AVL9: variants seen among roughly 807,000 people sequenced by gnomAD.
The protein encoded by AVL9 is late secretory pathway protein AVL9 homolog.
AVL9 carries 49 observed loss-of-function variants against 79.2 expected under a neutral mutation model. The observed-to-expected ratio is 0.62, with a 90% CI of 0.49 to 0.79. The LOEUF (loss-of-function observed/expected upper bound fraction) is 0.79. Ranked by LOEUF, AVL9 falls within the 30% of genes least tolerant of loss-of-function variation. AVL9 has a pLI of 0.00. For synonymous variants in AVL9, 299 were observed against 280.6 expected, an observed-to-expected ratio of 1.07 and a Z score of -0.65; for missense variants, 682 against 776.8, an observed-to-expected ratio of 0.88 and a Z score of 1.45.
rs1488707352 is a variant in AVL9, at chr7:32,558,909, T to C, written c.680-20T>C. 2.1e-5 allele frequency: 32 copies of C among 1,547,068 alleles called. No homozygotes were observed. The highest frequency in any genetic ancestry group is 2.8e-5 in the Non-Finnish European group (32 of 1,151,354). Reference sequence around the variant, plus strand: ...CATATTATTATAAGCCAAGCTGTTCTTTGATATTGCATATTTTAGGCATGA... The same window carrying C: ...CATATTATTATAAGCCAAGCTGTTCCTTGATATTGCATATTTTAGGCATGA... On this transcript the variant is annotated intron_variant, in intron 9 of 15. Coordinates refer to ENST00000318709, the MANE Select transcript of AVL9 (RefSeq NM_015060.3).
chr7:32,512,679 C>G (rs949429628), intron 1 of AVL9, among the ~76,000 whole-genome samples: 1 of 152,168 alleles, frequency 6.6e-6, no homozygotes, highest in African/African-American at 2.4e-5. Flanking sequence ...AAGGCCAAAG[C>G]TGGTACACTC....
At chr7:32,566,334 G>A (rs184612856) in intron 10 of AVL9, among the ~76,000 whole-genome samples, 2,994 of 148,744 alleles carry the variant, frequency 0.02, 38 homozygotes, top group Non-Finnish European at 0.03. Flanking sequence ...CTGCCACCAC[G>A]CCCAGCTAAT....
chr7:32,540,289 C>G (rs569104896), intron 1 of AVL9, among the ~76,000 whole-genome samples: 40 of 152,222 alleles, frequency 2.6e-4, no homozygotes, highest in African/African-American at 8.9e-4. Context: ...GGATAAATTT[C>G]TAAAACTGAA....
chr7:32,543,007 T>G, intron 1 of AVL9, 134 bp from the exon 2 acceptor site: 4 of 1,100,300 alleles, frequency 3.6e-6, no homozygotes, highest in Non-Finnish European at 5.2e-6. Flanking sequence ...GGTTTGCTGA[T>G]GATATCAAAT....
chr7:32,518,511 T>C (rs1052706139), intron 1 of AVL9, among the ~76,000 whole-genome samples: 5 of 152,068 alleles, frequency 3.3e-5, no homozygotes, highest in African/African-American at 1.2e-4. Flanking sequence ...TATTAAAAGG[T>C]AATTTTTGTC....
chr7:32,572,172 G>GA (rs72492692), intron 11 of AVL9, among the ~76,000 whole-genome samples: 71 of 141,286 alleles, frequency 5.0e-4, no homozygotes, highest in Middle Eastern at 3.6e-3. Flanking sequence ...AAAAAAAAAA[G>GA]AAAAAAAAAA....
Position 32,504,263 on chromosome 7 carries a change from T to A in AVL9, c.93+8461T>A, listed in dbSNP as rs956843987. On this transcript the variant is annotated intron_variant, in intron 1 of 15. Transcript: ENST00000318709. ...GATCATTTGTTGGGAAAGTTCTAAT[T>A]TTTTTCCTGTAAGAAAAATGGTTTT... Among the ~76,000 whole-genome samples, 8 of 152,204 alleles carry A rather than the reference T, an allele frequency of 5.3e-5. No homozygotes were observed. In the East Asian group the frequency reaches 7.7e-4, roughly 15 times the overall value.
At chr7:32,540,297 G>GA (rs1370058111) in intron 1 of AVL9, among the ~76,000 whole-genome samples, 1 of 152,184 alleles carries the variant, frequency 6.6e-6, no homozygotes, top group Non-Finnish European at 1.5e-5. Context: ...TTCTAAAACT[G>GA]AAATTGCTGA....
At chr7:32,563,602 C>A (rs1349760309) in intron 10 of AVL9, among the ~76,000 whole-genome samples, 1 of 150,886 alleles carries the variant, frequency 6.6e-6, no homozygotes, top group Non-Finnish European at 1.5e-5. Context: ...AGTCTACCAC[C>A]TTTTCAGTTA....
chr7:32,507,753 A>G (rs1328873735), intron 1 of AVL9, among the ~76,000 whole-genome samples: 1 of 152,332 alleles, frequency 6.6e-6, no homozygotes, highest in South Asian at 2.1e-4. Flanking sequence ...TTTGTTGGAT[A>G]TATACTTAAG....
chr7:32,583,950 T>C lies in AVL9; in HGVS notation c.*43T>C, dbSNP rs1583618940. On this transcript the variant is annotated 3_prime_UTR_variant, in exon 16 of 16. Transcript: ENST00000318709. Reference sequence around the variant, plus strand: ...GCTATTGCTTTCTGAGGTTTAAGTGTCCCCTGTCTGTCTGCTGCTCCCAGG... The same window carrying C: ...GCTATTGCTTTCTGAGGTTTAAGTGCCCCCTGTCTGTCTGCTGCTCCCAGG... 1 of 1,415,702 alleles carries C rather than the reference T, an allele frequency of 7.1e-7. No individual in the cohort carries two copies. The highest frequency in any genetic ancestry group is 1.0e-6 in the Non-Finnish European group (1 of 1,001,242). The allele number at this position is 1,415,702 out of a possible 1,614,324, so 87.7% of individuals were successfully genotyped here. A position where few individuals can be genotyped will look rare whatever the true frequency, so the allele number is the denominator to read the frequency against.
At chr7:32,566,083 G>T (rs1790550540) in intron 10 of AVL9, among the ~76,000 whole-genome samples, 1 of 151,068 alleles carries the variant, frequency 6.6e-6, no homozygotes, top group Non-Finnish European at 1.5e-5. Context: ...ACTGCAGTGA[G>T]CCATGGTCAT....
intron 10 of AVL9, among the ~76,000 whole-genome samples, chr7:32,568,164 C>T (rs1790665351): frequency 6.6e-6 from 1 of 151,748 alleles, no homozygotes; most frequent in Non-Finnish European, 1.5e-5. Flanking sequence ...CGCGCCCAGC[C>T]CGCTTATTCT....
chr7:32,510,367 A>C (rs531372357), intron 1 of AVL9, among the ~76,000 whole-genome samples: 48 of 149,388 alleles, frequency 3.2e-4, no homozygotes, highest in African/African-American at 1.2e-3. Flanking sequence ...GTATGAGGGA[A>C]ACCATCTCCC....
chr7:32,575,253 C>G (rs1157978896), intron 12 of AVL9, among the ~76,000 whole-genome samples: 1 of 152,118 alleles, frequency 6.6e-6, no homozygotes, highest in Non-Finnish European at 1.5e-5. Context: ...TACCCGCCAC[C>G]ACGCCTGGCT....
chr7:32,553,707 C>CT lies in AVL9; in HGVS notation c.530-14dup. The CT allele has an allele frequency of 6.2e-7, 1 of 1,601,270 alleles. No homozygotes were observed. The highest frequency in any genetic ancestry group is 8.5e-7 in the Non-Finnish European group (1 of 1,170,738). ...ACATTACATTGTAGTCACACTTGAG[C>CT]TTTTTTGTTAACATTGTAGGTCTGT... On this transcript the variant is annotated intron_variant, in intron 6 of 15. Transcript: ENST00000318709.
chr7:32,569,755 G>A (rs1459480244), intron 10 of AVL9, among the ~76,000 whole-genome samples: 2 of 152,170 alleles, frequency 1.3e-5, no homozygotes, highest in African/African-American at 4.8e-5. Context: ...AGAACAAAGT[G>A]ATCAAGAAAG....
At chr7:32,550,011 C>T (rs1789738582) in intron 4 of AVL9, among the ~76,000 whole-genome samples, 1 of 151,674 alleles carries the variant, frequency 6.6e-6, no homozygotes, top group Non-Finnish European at 1.5e-5. Context: ...TCATCTGATT[C>T]CTGTACACAC....
intron 13 of AVL9, among the ~76,000 whole-genome samples, chr7:32,579,705 GT>G (rs1273390952): frequency 6.7e-5 from 9 of 134,886 alleles, no homozygotes; most frequent in East Asian, 2.1e-4. Context: ...TGATAGTGCT[GT>G]TTTTTTTTAA....
Sources: gnomAD v4.1 joint callset for allele counts (sites outside exome capture counted in the v4.1 genomes callset) on GRCh38, gnomAD v4.1.1 for gene constraint, MANE v1.5 for transcripts, NCBI Gene and HGNC (gene_info 2026-07-23, HGNC 2026-07-21) for gene names.